LIN7C: variants seen among roughly 807,000 people sequenced by gnomAD.
LIN7C encodes the protein protein lin-7 homolog C.
Under a neutral mutation model 24.7 loss-of-function variants are expected in LIN7C, and 17 were observed. That is an observed-to-expected ratio of 0.69 (90% CI 0.47 to 1.03). The LOEUF is 1.03. LIN7C is among the 50% of genes least tolerant of loss of function. The pLI, the probability that LIN7C is intolerant of heterozygous loss-of-function variation, is 0.00. For missense variants in LIN7C, 204 were observed against 239.0 expected, an observed-to-expected ratio of 0.85 and a Z score of 0.97; for synonymous variants, 90 against 83.4, an observed-to-expected ratio of 1.08 and a Z score of -0.43.
intron 1 of LIN7C, among the ~76,000 whole-genome samples, chr11:27,503,881 G>C (rs1389088389): frequency 6.6e-6 from 1 of 151,440 alleles, no homozygotes; most frequent in African/African-American, 2.4e-5. Flanking sequence ...GCAGTGGTAC[G>C]ATCTTGGCTC....
At chr11:27,503,015 C>T (rs894330546) in intron 1 of LIN7C, among the ~76,000 whole-genome samples, 2 of 151,946 alleles carry the variant, frequency 1.3e-5, no homozygotes, top group African/African-American at 4.8e-5. Context: ...CTTGGGAGGC[C>T]GAGGCAGGAG....
At chr11:27,501,660 GT>G in intron 2 of LIN7C, 94 bp from the exon 3 acceptor site, 1 of 298,968 alleles carries the variant, frequency 3.3e-6, no homozygotes, top group Non-Finnish European at 5.8e-6. Context: ...TTATAAAATG[GT>G]TTTATCAGAA....
At chr11:27,503,868 G>A (rs770363660) in intron 1 of LIN7C, among the ~76,000 whole-genome samples, 66 of 149,734 alleles carry the variant, frequency 4.4e-4, no homozygotes, top group Non-Finnish European at 7.1e-4. Context: ...CTGAGGCTGG[G>A]GTGCAGTGGT....
At position 27,497,619 on chromosome 11, in the gene LIN7C, A is replaced by C. The variant is rs1209851036; in HGVS notation, c.*1030T>G. 1 of 152,446 alleles carries C rather than the reference A, an allele frequency of 6.6e-6. No homozygotes were observed. Among genetic ancestry groups the C allele is most frequent in the Non-Finnish European group, 1.5e-5 (1 of 67,956 alleles). The allele number at this position is 152,446 out of a possible 1,614,324, so 9.4% of individuals were successfully genotyped here. Reference sequence around the variant, plus strand: ...ACATCATAATTTCTATGTATCTTAAATATATCCTCTTTTCTTCCTATTTAA... The same window carrying C: ...ACATCATAATTTCTATGTATCTTAACTATATCCTCTTTTCTTCCTATTTAA... On this transcript the variant is annotated 3_prime_UTR_variant, in exon 5 of 5. Transcript: ENST00000278193.
Position 27,501,930 on chromosome 11 carries a change from A to AAC in LIN7C, c.38-12_38-11dup, listed in dbSNP as rs375528749. On this transcript the variant is annotated splice_polypyrimidine_tract_variant and intron_variant, in intron 1 of 4. Transcript: ENST00000278193. ...ATTGCTCTACAAATATCTAGAGTTA[A>AAC]ACACACACACAGATAATTTTCTCCA... 8,465 of 1,488,710 alleles carry AAC rather than the reference A, an allele frequency of 5.7e-3. 62 individuals are homozygous for AAC. Among genetic ancestry groups the AAC allele is most frequent in the Middle Eastern group, 0.029 (170 of 5,810 alleles). 92.2% of individuals were successfully genotyped at this position (1,488,710 alleles called of 1,614,324 possible).
rs898145980 is a variant in LIN7C, at chr11:27,494,797, T to C, written c.*3852A>G. ...AGTGATTTTTCTCACTACTTAACCA[T>C]ACCTGGAATAACCTTTGAAGAAACA... On this transcript the variant is annotated 3_prime_UTR_variant, in exon 5 of 5. Transcript: ENST00000278193. 6.6e-6 allele frequency: 1 copy of C among 152,200 alleles called. No homozygotes were observed. Among genetic ancestry groups the C allele is most frequent in the African/African-American group, 2.4e-5 (1 of 41,454 alleles). 9.4% of individuals were successfully genotyped at this position (152,200 alleles called of 1,614,324 possible). A position where few individuals can be genotyped will look rare whatever the true frequency, so the allele number is the denominator to read the frequency against.
In LIN7C at chr11:27,496,051, G is replaced by A. The variant is rs1364679600; in HGVS notation, c.*2598C>T. ...ATTAATCATTAAGTAGCTGCAAATT[G>A]AACTGTTCTATTTTGATACTTCCTA... On this transcript the variant is annotated 3_prime_UTR_variant, in exon 5 of 5. Coordinates refer to ENST00000278193, the MANE Select transcript of LIN7C (RefSeq NM_018362.4). The A allele has an allele frequency of 6.7e-6, 1 of 149,608 alleles. No homozygotes were observed. Among genetic ancestry groups the A allele is most frequent in the Non-Finnish European group, 1.5e-5 (1 of 67,612 alleles). The allele number at this position is 149,608 out of a possible 1,614,324, so 9.3% of individuals were successfully genotyped here.
intron 1 of LIN7C, among the ~76,000 whole-genome samples, chr11:27,502,609 A>C (rs1348159927): frequency 6.6e-6 from 1 of 152,226 alleles, no homozygotes; most frequent in African/African-American, 2.4e-5. Flanking sequence ...AGCTTTATCA[A>C]TCTGGTCTCA....
At chr11:27,505,010 G>A (rs997266141) in intron 1 of LIN7C, among the ~76,000 whole-genome samples, 1 of 152,184 alleles carries the variant, frequency 6.6e-6, no homozygotes, top group African/African-American at 2.4e-5. Context: ...AAATGCCACA[G>A]AAGTTCCACA....
chr11:27,496,962 T>C lies in LIN7C; in HGVS notation c.*1687A>G, dbSNP rs1365437743. The C allele has an allele frequency of 6.6e-6, 1 of 152,626 alleles. No homozygotes were observed. The highest frequency in any genetic ancestry group is 2.4e-5 in the African/African-American group (1 of 41,468). The allele number at this position is 152,626 out of a possible 1,614,324, so 9.5% of individuals were successfully genotyped here. A position where few individuals can be genotyped will look rare whatever the true frequency, so the allele number is the denominator to read the frequency against. On this transcript the variant is annotated 3_prime_UTR_variant, in exon 5 of 5. Coordinates refer to ENST00000278193, the MANE Select transcript of LIN7C (RefSeq NM_018362.4). Reference sequence around the variant, plus strand: ...TACCTCTAATAATTTTACAATTAAATTAAGTCCATACTTCTATACTACTTT... The same window carrying C: ...TACCTCTAATAATTTTACAATTAAACTAAGTCCATACTTCTATACTACTTT...
At chr11:27,504,357 G>A (rs1865252960) in intron 1 of LIN7C, among the ~76,000 whole-genome samples, 1 of 152,134 alleles carries the variant, frequency 6.6e-6, no homozygotes, top group South Asian at 2.1e-4. Flanking sequence ...AATCTAAAAT[G>A]TACCTACTAT....
At chr11:27,499,918 C>T (rs1042493836) in intron 3 of LIN7C, among the ~76,000 whole-genome samples, 10 of 152,288 alleles carry the variant, frequency 6.6e-5, no homozygotes, top group East Asian at 3.9e-4. Flanking sequence ...TGAGCCACTG[C>T]GCCTGGCCTC....
intron 3 of LIN7C, among the ~76,000 whole-genome samples, chr11:27,500,741 G>T (rs763634859): frequency 1.8e-4 from 28 of 152,054 alleles, no homozygotes; most frequent in Non-Finnish European, 2.8e-4. Context: ...TGGAATTAAG[G>T]CTCAGAAATT....
At chr11:27,501,733 A>AC in intron 2 of LIN7C, 69 bp downstream of exon 2, 1 of 1,050,912 alleles carries the variant, frequency 9.5e-7, no homozygotes, top group Non-Finnish European at 1.4e-6. Flanking sequence ...GAAATGTTGA[A>AC]CCCAAATTTA....
chr11:27,501,639 G>GTTAAAATTTCAGGCAAAT (rs550352232), intron 2 of LIN7C, 73 bp from the exon 3 acceptor site: 19 of 1,074,350 alleles, frequency 1.8e-5, no homozygotes, highest in Admixed American at 2.3e-5. Context: ...TTCAGGCAAA[G>GTTAAAATTTCAGGCAAAT]TTATGCATCT....
At position 27,501,577 on chromosome 11, in the gene LIN7C, CA is replaced by C; in HGVS notation, c.157-12del. ...GACATGTTCATATACCTGTAAAAGC[CA>C]AAGTTATATCTCAGAATATACCATG... On this transcript the variant is annotated splice_polypyrimidine_tract_variant and intron_variant, in intron 2 of 4. Coordinates refer to ENST00000278193, the MANE Select transcript of LIN7C (RefSeq NM_018362.4). The C allele has an allele frequency of 6.5e-7, 1 of 1,538,962 alleles. No homozygotes were observed. The highest frequency in any genetic ancestry group is 1.2e-5 in the South Asian group (1 of 81,822).
At chr11:27,502,949 TA>T (rs1012955603) in intron 1 of LIN7C, among the ~76,000 whole-genome samples, 2 of 151,264 alleles carry the variant, frequency 1.3e-5, no homozygotes, top group Admixed American at 1.3e-4. Context: ...CCAACTCTAC[TA>T]AAAAAAATAC....
chr11:27,500,224 T>G (rs1488890507), intron 3 of LIN7C, among the ~76,000 whole-genome samples: 1 of 152,174 alleles, frequency 6.6e-6, no homozygotes, highest in African/African-American at 2.4e-5. Flanking sequence ...TTCCCCAGCA[T>G]GCTAGCAGCC....
In LIN7C at chr11:27,496,700, C is replaced by CA. The variant is rs1865173985; in HGVS notation, c.*1948dup. The CA allele has an allele frequency of 1.3e-5, 2 of 151,946 alleles. No homozygotes were observed. Among genetic ancestry groups the CA allele is most frequent in the Admixed American group, 1.3e-4 (2 of 15,248 alleles). 9.4% of individuals were successfully genotyped at this position (151,946 alleles called of 1,614,324 possible). On this transcript the variant is annotated 3_prime_UTR_variant, in exon 5 of 5. Transcript: ENST00000278193. Reference sequence around the variant, plus strand: ...CTCAACTTACTAAAAGTTTCAACACCAAAAAAGATTTAACTTGGCTGAAAG... The same window carrying CA: ...CTCAACTTACTAAAAGTTTCAACACCAAAAAAAGATTTAACTTGGCTGAAAG...
Sources: allele counts gnomAD v4.1 joint callset (sites outside exome capture counted in the v4.1 genomes callset), GRCh38; gene constraint gnomAD v4.1.1; transcripts MANE v1.5; gene names NCBI Gene and HGNC (gene_info 2026-07-23, HGNC 2026-07-21).